Variants in SENP6 observed in about 807,000 individuals in gnomAD.
SENP6 encodes sentrin-specific protease 6.
In SENP6, 41 loss-of-function variants were observed where a neutral mutation model predicts 134.5. The ratio of observed to expected loss-of-function variants is 0.30; its 90% confidence interval spans 0.24 to 0.40. The LOEUF (loss-of-function observed/expected upper bound fraction) is 0.40, where lower values mean the gene tolerates loss of function less well. Ranked by LOEUF, SENP6 falls within the 10% of genes least tolerant of loss-of-function variation. The pLI is 1.00. For missense variants in SENP6, 1,248 were observed against 1,312.5 expected (o/e 0.95, Z 0.76); for synonymous variants, 395 against 429.8 (o/e 0.92, Z 1.00).
Position 75,602,622 on chromosome 6 carries a change from GA to G in SENP6, c.52+50del, listed in dbSNP as rs756427016. 21 of 1,539,434 alleles carry G rather than the reference GA, an allele frequency of 1.4e-5. No homozygotes were observed. In the East Asian group the frequency reaches 4.7e-4, roughly 34 times the overall value. On this transcript the variant is annotated intron_variant, in intron 1 of 23. Transcript: ENST00000447266. ...GACGGGGAGAAGGGAGGGTATACTG[GA>G]AAACGTGGCCCCCAGAACCCCGGAT... is the stretch of plus-strand genomic sequence containing the variant.
intron 7 of SENP6, among the ~76,000 whole-genome samples, chr6:75,648,658 A>G (rs757930644): frequency 6.6e-6 from 1 of 152,168 alleles, no homozygotes; most frequent in Non-Finnish European, 1.5e-5. Flanking sequence ...TTTACATACT[A>G]AGCATAGTTA....
At chr6:75,705,925 C>CTTTTTT (rs71544062) in intron 19 of SENP6, among the ~76,000 whole-genome samples, 24 of 47,964 alleles carry the variant, frequency 5.0e-4, no homozygotes, top group Admixed American at 1.0e-3. Context: ...ATTTTTGAGC[C>CTTTTTT]TTTTTTTTTT....
At chr6:75,633,214 G>A (rs139353119) in intron 3 of SENP6, among the ~76,000 whole-genome samples, 8 of 152,254 alleles carry the variant, frequency 5.3e-5, no homozygotes, top group South Asian at 4.1e-4. Flanking sequence ...AATGACAGCC[G>A]ATTGCCATAT....
intron 16 of SENP6, among the ~76,000 whole-genome samples, chr6:75,686,437 T>C (rs143773230): frequency 1.3e-5 from 2 of 152,342 alleles, no homozygotes; most frequent in African/African-American, 4.8e-5. Flanking sequence ...ATCCTGTCAT[T>C]ATGATGTTCG....
At position 75,702,781 on chromosome 6, in the gene SENP6, A is replaced by G. The variant is rs1392763183; in HGVS notation, c.2425A>G (p.Ser809Gly). ...VEDSCISSSASEMESCSQNSS... is the reference protein window; with the variant it reads ...VEDSCISSSAGEMESCSQNSS... ...GGACAGTTGTATTTCTTCTTCAGCC[A>G]GTGAAATGGAGAGTTGTTCACAAAA... Residue 809 changes from serine (S) to glycine (G), a missense_variant, in exon 19 of 24, where the codon AGT becomes GGT. Physicochemically the swap from Ser to Gly is moderately conservative, Grantham distance 56. Transcript: ENST00000447266. The G allele has an allele frequency of 5.0e-6, 8 of 1,614,052 alleles. No individual in the cohort carries two copies. In the Admixed American group the frequency reaches 6.7e-5, roughly 13 times the overall value.
intron 7 of SENP6, among the ~76,000 whole-genome samples, chr6:75,656,346 C>A (rs1771338463): frequency 6.6e-6 from 1 of 151,914 alleles, no homozygotes; most frequent in Non-Finnish European, 1.5e-5. Context: ...AAGAGGGATT[C>A]AGCATAATGT....
intron 10 of SENP6, among the ~76,000 whole-genome samples, chr6:75,669,209 A>G (rs1772479158): frequency 6.6e-6 from 1 of 152,038 alleles, no homozygotes; most frequent in Non-Finnish European, 1.5e-5. Flanking sequence ...AAAATTAGCC[A>G]GGCGTGGTGG....
intron 1 of SENP6, among the ~76,000 whole-genome samples, chr6:75,616,517 G>A (rs1475644136): frequency 1.3e-5 from 2 of 152,092 alleles, no homozygotes; most frequent in African/African-American, 4.8e-5. Context: ...GGGAGGCCGA[G>A]GCGGGTGGAT....
At chr6:75,658,207 T>A (rs952182716) in intron 7 of SENP6, among the ~76,000 whole-genome samples, 1 of 152,144 alleles carries the variant, frequency 6.6e-6, no homozygotes, top group African/African-American at 2.4e-5. Flanking sequence ...CTTTGGTGTC[T>A]AGGAAAATAG....
At chr6:75,700,781 C>T (rs184550755) in intron 18 of SENP6, among the ~76,000 whole-genome samples, 177 of 152,274 alleles carry the variant, frequency 1.2e-3, no homozygotes, top group African/African-American at 4.0e-3. Context: ...TGTGAGCCAC[C>T]GTGCCCGGCA....
chr6:75,676,069 A>G lies in SENP6; in HGVS notation c.1621+15A>G. 6.6e-7 allele frequency: 1 copy of G among 1,525,552 alleles called. No homozygotes were observed. Among genetic ancestry groups the G allele is most frequent in the South Asian group, 1.2e-5 (1 of 80,970 alleles). The allele number at this position is 1,525,552 out of a possible 1,614,324, so 94.5% of individuals were successfully genotyped here. On this transcript the variant is annotated intron_variant, in intron 13 of 23. Coordinates refer to ENST00000447266, the MANE Select transcript of SENP6 (RefSeq NM_015571.4). ...TAAATTAACAAGTAAGTTGTGTAAA[A>G]CAGATTATAATAGATAATAATAGAT...
intron 1 of SENP6, among the ~76,000 whole-genome samples, chr6:75,608,371 G>A (rs1767182317): frequency 1.3e-5 from 2 of 152,002 alleles, no homozygotes; most frequent in African/African-American, 4.8e-5. Context: ...TGAGGTGGGA[G>A]GATTGCTTGT....
At chr6:75,690,993 T>C (rs1774203101) in intron 16 of SENP6, among the ~76,000 whole-genome samples, 1 of 151,156 alleles carries the variant, frequency 6.6e-6, no homozygotes, top group Non-Finnish European at 1.5e-5. Flanking sequence ...CATGAGCCAC[T>C]GTGCTCAGCC....
chr6:75,692,630 A>T (rs1027596480), intron 16 of SENP6, among the ~76,000 whole-genome samples: 1 of 151,996 alleles, frequency 6.6e-6, no homozygotes, highest in African/African-American at 2.4e-5. Context: ...TATCTCAAAG[A>T]AATAAATAAA....
In SENP6 at chr6:75,697,435, A is replaced by C; in HGVS notation, c.2206A>C (p.Lys736Gln). 6.2e-7 allele frequency: 1 copy of C among 1,609,682 alleles called. No homozygotes were observed. Among genetic ancestry groups the C allele is most frequent in the South Asian group, 1.1e-5 (1 of 90,214 alleles). The change falls in exon 18 of 24, where the codon AAA becomes CAA. Residue 736 changes from lysine (K) to glutamine (Q), a missense_variant. Physicochemically the swap from Lys to Gln is moderately conservative, Grantham distance 53 (BLOSUM62 1). Coordinates refer to ENST00000447266, the MANE Select transcript of SENP6 (RefSeq NM_015571.4). ...HETTNLSIQQ[K>Q]RHGRVKTWTR... ...ATCTCTTTCTTACAGAATACAGCAA[A>C]AACGGCATGGGAGAGTAAAAACATG...
In SENP6 at chr6:75,623,966, T is replaced by A; in HGVS notation, c.207+6T>A. The A allele has an allele frequency of 6.2e-7, 1 of 1,602,138 alleles. No homozygotes were observed. The highest frequency in any genetic ancestry group is 8.5e-7 in the Non-Finnish European group (1 of 1,172,334). ...AAACCTCAAAAGGAAAAAAGGCAAG[T>A]GTTGCTTAAAATATTTTCTTCTTTT... is the stretch of plus-strand genomic sequence containing the variant. On this transcript the variant is annotated splice_donor_region_variant and intron_variant, in intron 3 of 23. Coordinates refer to ENST00000447266, the MANE Select transcript of SENP6 (RefSeq NM_015571.4).
At position 75,677,076 on chromosome 6, in the gene SENP6, T is replaced by C. The variant is rs778079643; in HGVS notation, c.1668T>C (p.Asp556=). 6.3e-7 allele frequency: 1 copy of C among 1,599,206 alleles called. No individual in the cohort carries two copies. Among genetic ancestry groups the C allele is most frequent in the African/African-American group, 1.3e-5 (1 of 74,638 alleles). ...TTTTAATTTTTCAAAATGGCCTTGA[T>C]CCTCCGGCAAATATGGTATTTGAAA... ...YIILIFQNGL[D]PPANMVFESI... Residue 556 remains aspartate, a synonymous_variant, in exon 14 of 24, where the codon GAT becomes GAC. Transcript: ENST00000447266.
intron 7 of SENP6, among the ~76,000 whole-genome samples, chr6:75,652,460 A>G (rs554604747): frequency 3.3e-4 from 50 of 151,980 alleles, no homozygotes; most frequent in Admixed American, 1.0e-3. Flanking sequence ...TATTTGATCT[A>G]TTTCTTTGCA....
At chr6:75,675,693 T>C in intron 12 of SENP6, 167 bp from the exon 13 acceptor site, 1 of 823,554 alleles carries the variant, frequency 1.2e-6, no homozygotes, top group African/African-American at 1.7e-5. Flanking sequence ...AAAAGTTTCT[T>C]TAAGGCAGTT....
Sources: gnomAD v4.1 joint callset for allele counts (sites outside exome capture counted in the v4.1 genomes callset) on GRCh38, gnomAD v4.1.1 for gene constraint, MANE v1.5 for transcripts, NCBI Gene and HGNC (gene_info 2026-07-23, HGNC 2026-07-21) for gene names.